SMOC2: variants seen among roughly 807,000 people sequenced by gnomAD.
The protein encoded by SMOC2 is SPARC related modular calcium binding 2.
SMOC2 carries 39 observed loss-of-function variants against 61.4 expected under a neutral mutation model. That is an observed-to-expected ratio of 0.64 (90% confidence interval 0.49 to 0.83). SMOC2 has a LOEUF of 0.83. Among genes scored for constraint, SMOC2 ranks in the 40% least tolerant of loss-of-function variants. The probability of loss-of-function intolerance (pLI) is 0.00; values close to 1 mark genes in which losing one functional copy is unlikely to be tolerated. For missense variants in SMOC2, 556 were observed against 592.9 expected (o/e 0.94, Z 0.65); for synonymous variants, 247 against 239.9 (o/e 1.03, Z -0.27).
intron 6 of SMOC2, among the ~76,000 whole-genome samples, chr6:168,547,834 A>G (rs1784043049): frequency 6.6e-6 from 1 of 152,054 alleles, no homozygotes; most frequent in Non-Finnish European, 1.5e-5. Context: ...AGGGATTTTC[A>G]GATATTGCCA....
At chr6:168,606,356 A>G (rs977902607) in intron 8 of SMOC2, among the ~76,000 whole-genome samples, 5 of 152,134 alleles carry the variant, frequency 3.3e-5, no homozygotes, top group Admixed American at 1.3e-4. Flanking sequence ...AGAGACTTTA[A>G]TTTCAAAAAC....
At chr6:168,469,864 GAT>G (rs1395590386) in intron 1 of SMOC2, among the ~76,000 whole-genome samples, 1 of 152,250 alleles carries the variant, frequency 6.6e-6, no homozygotes, top group Non-Finnish European at 1.5e-5. Flanking sequence ...TCCATTCGGT[GAT>G]ATTGTGCATT....
At chr6:168,618,717 T>G (rs1262208788) in intron 9 of SMOC2, among the ~76,000 whole-genome samples, 1 of 152,036 alleles carries the variant, frequency 6.6e-6, no homozygotes, top group Non-Finnish European at 1.5e-5. Context: ...TGAGCACAGA[T>G]GCAGACAGGA....
chr6:168,534,292 T>C (rs1783683808), intron 4 of SMOC2, among the ~76,000 whole-genome samples: 2 of 152,218 alleles, frequency 1.3e-5, no homozygotes. Flanking sequence ...AAGATTCAGA[T>C]TGAATTCTGA....
chr6:168,468,715 G>T (rs947540526), intron 1 of SMOC2, among the ~76,000 whole-genome samples: 2 of 151,884 alleles, frequency 1.3e-5, no homozygotes, highest in Non-Finnish European at 2.9e-5. Flanking sequence ...TTGTATTTTT[G>T]TAGAGACGGG....
At chr6:168,592,393 A>C (rs1462920968) in intron 7 of SMOC2, among the ~76,000 whole-genome samples, 2 of 114,504 alleles carry the variant, frequency 1.7e-5, no homozygotes, top group African/African-American at 6.4e-5. Flanking sequence ...AGGATCTCCG[A>C]GCTCCTCCTC....
intron 4 of SMOC2, among the ~76,000 whole-genome samples, chr6:168,539,270 C>T (rs1344560431): frequency 2.6e-5 from 4 of 152,194 alleles, no homozygotes; most frequent in Admixed American, 6.5e-5. Flanking sequence ...AGAAAACCAT[C>T]TCTTGTCTAG....
chr6:168,554,678 T>C (rs1784206181), intron 7 of SMOC2, among the ~76,000 whole-genome samples: 1 of 152,212 alleles, frequency 6.6e-6, no homozygotes, highest in African/African-American at 2.4e-5. Context: ...ACTTTGTGGC[T>C]GGCAGTTAAA....
At chr6:168,503,385 T>G (rs1782783191) in intron 1 of SMOC2, among the ~76,000 whole-genome samples, 1 of 152,096 alleles carries the variant, frequency 6.6e-6, no homozygotes, top group Non-Finnish European at 1.5e-5. Context: ...GCCACCTTGC[T>G]TGTTTTCTAA....
intron 9 of SMOC2, among the ~76,000 whole-genome samples, chr6:168,627,758 A>G (rs1416187964): frequency 1.3e-5 from 2 of 152,174 alleles, no homozygotes; most frequent in Admixed American, 6.5e-5. Flanking sequence ...ACAGGGGTGG[A>G]CTGTACTGCA....
chr6:168,502,883 C>T (rs985809519), intron 1 of SMOC2, among the ~76,000 whole-genome samples: 14 of 151,942 alleles, frequency 9.2e-5, no homozygotes, highest in Admixed American at 9.2e-4. Context: ...TATCCTGCCT[C>T]AGCCTCCTGA....
chr6:168,628,961 G>A (rs2003388), intron 9 of SMOC2, among the ~76,000 whole-genome samples: 24,093 of 152,306 alleles, frequency 0.16, 2,043 homozygotes, highest in South Asian at 0.29. Flanking sequence ...CAGGGGGCCC[G>A]GGACATGGGC....
At chr6:168,611,901 C>T (rs1785879729) in intron 9 of SMOC2, among the ~76,000 whole-genome samples, 1 of 152,198 alleles carries the variant, frequency 6.6e-6, no homozygotes, top group Non-Finnish European at 1.5e-5. Context: ...ACCTGTCCAG[C>T]TTGTTCCCAC....
chr6:168,595,550 C>T (rs145317544), intron 7 of SMOC2, among the ~76,000 whole-genome samples: 18 of 152,298 alleles, frequency 1.2e-4, no homozygotes, highest in African/African-American at 3.8e-4. Context: ...CCTTCTCTTC[C>T]CAGGGGCCGT....
At chr6:168,552,186 T>C (rs1444804801) in intron 7 of SMOC2, among the ~76,000 whole-genome samples, 1 of 152,192 alleles carries the variant, frequency 6.6e-6, no homozygotes, top group Non-Finnish European at 1.5e-5. Flanking sequence ...AAAAATAATA[T>C]TTAATTTATT....
At chr6:168,643,012 C>A (rs1786931411) in intron 9 of SMOC2, among the ~76,000 whole-genome samples, 1 of 152,190 alleles carries the variant, frequency 6.6e-6, no homozygotes, top group South Asian at 2.1e-4. Flanking sequence ...ATGTCCATCT[C>A]TGTGTACTTG....
intron 7 of SMOC2, among the ~76,000 whole-genome samples, chr6:168,550,386 G>T (rs1480193552): frequency 6.6e-6 from 1 of 152,124 alleles, no homozygotes; most frequent in African/African-American, 2.4e-5. Flanking sequence ...AGAGTGGTTC[G>T]ATTCCCCCTT....
intron 1 of SMOC2, among the ~76,000 whole-genome samples, chr6:168,457,003 C>T (rs1369596525): frequency 6.6e-6 from 1 of 152,200 alleles, no homozygotes; most frequent in Non-Finnish European, 1.5e-5. Context: ...CATGCACACG[C>T]TCATGTGAAA....
In SMOC2 at chr6:168,614,096, T is replaced by C. The variant is rs28464696; in HGVS notation, c.907+5857T>C. ...CTACAGCCAGCACAGGGCCTCTTCA[T>C]ACCTACAGCCAGCACATGGAGCCTC... On this transcript the variant is annotated intron_variant, in intron 9 of 12. Coordinates refer to ENST00000356284, the MANE Select transcript of SMOC2 (RefSeq NM_001166412.2). Among the ~76,000 whole-genome samples the C allele has an allele frequency of 1.1e-3, 58 of 54,970 alleles. 1 individual carries two copies. The highest frequency in any genetic ancestry group is 2.8e-3 in the East Asian group (4 of 1,454). 36.1% of individuals were successfully genotyped at this position (54,970 alleles called of 152,430 possible). A position where few individuals can be genotyped will look rare whatever the true frequency, so the allele number is the denominator to read the frequency against.
Sources: allele counts gnomAD v4.1 joint callset (sites outside exome capture counted in the v4.1 genomes callset), GRCh38; gene constraint gnomAD v4.1.1; transcripts MANE v1.5; gene names NCBI Gene and HGNC (gene_info 2026-07-23, HGNC 2026-07-21).